Variants in TEKT5 observed in about 807,000 individuals in gnomAD.
The protein encoded by TEKT5 is tektin-5.
A neutral mutation model predicts 48.7 loss-of-function variants in TEKT5; 52 were observed. That is an observed-to-expected ratio of 1.07 (90% CI 0.86 to 1.35). The LOEUF is 1.35. Ranked by LOEUF, TEKT5 falls within the 40% of genes most tolerant of loss-of-function variation. The pLI, the probability that TEKT5 is intolerant of heterozygous loss-of-function variation, is 0.00. For synonymous variants in TEKT5, 318 were observed against 267.6 expected (o/e 1.19, Z -1.84); for missense variants, 831 against 641.6 (o/e 1.30, Z -3.19).
intron 4 of TEKT5, among the ~76,000 whole-genome samples, chr16:10,680,313 A>C (rs2541496): frequency 0.49 from 74,746 of 152,194 alleles, 20,165 homozygotes; most frequent in East Asian, 0.81. Flanking sequence ...GCCAAGGAGA[A>C]TGCCAAGGAA....
intron 3 of TEKT5, among the ~76,000 whole-genome samples, chr16:10,688,238 G>A (rs373478330): frequency 7.9e-5 from 12 of 152,198 alleles, no homozygotes; most frequent in East Asian, 1.9e-4. Flanking sequence ...CCTCCACCCC[G>A]ATGTCTTTCT....
chr16:10,629,356 T>C (rs145556266), intron 6 of TEKT5, among the ~76,000 whole-genome samples: 7,524 of 151,864 alleles, frequency 0.05, 595 homozygotes, highest in African/African-American at 0.17. Context: ...GTTCAAGCAA[T>C]TCTCTTGCCT....
chr16:10,648,092 T>A (rs1898098836), intron 5 of TEKT5, among the ~76,000 whole-genome samples: 1 of 152,192 alleles, frequency 6.6e-6, no homozygotes, highest in Admixed American at 6.5e-5. Context: ...GCCTTTGATG[T>A]ACAGCACATG....
intron 5 of TEKT5, among the ~76,000 whole-genome samples, chr16:10,661,619 A>C (rs2142287097): frequency 6.6e-6 from 1 of 152,324 alleles, no homozygotes; most frequent in Non-Finnish European, 1.5e-5. Context: ...TGCTAAAGAA[A>C]CGAGGTCACC....
intron 1 of TEKT5, among the ~76,000 whole-genome samples, chr16:10,693,343 C>T (rs967475014): frequency 1.3e-5 from 2 of 152,214 alleles, no homozygotes; most frequent in South Asian, 2.1e-4. Flanking sequence ...GATCCACCTG[C>T]CCTGGCCTCA....
At chr16:10,637,328 A>G (rs1596400889) in intron 5 of TEKT5, among the ~76,000 whole-genome samples, 1 of 143,792 alleles carries the variant, frequency 7.0e-6, no homozygotes, top group Non-Finnish European at 1.5e-5. Context: ...GAGCCACCAC[A>G]CCCAGCCCGC....
At chr16:10,671,927 C>A (rs1326752619) in intron 5 of TEKT5, 1 of 152,156 alleles carries the variant, frequency 6.6e-6, no homozygotes, top group Non-Finnish European at 1.5e-5. Flanking sequence ...CCCACTGACA[C>A]ATGTGGTTTA....
intron 5 of TEKT5, among the ~76,000 whole-genome samples, chr16:10,660,673 GTGTGTGT>G (rs1898352201): frequency 2.7e-5 from 2 of 75,156 alleles, no homozygotes; most frequent in South Asian, 7.8e-4. Context: ...GTGTGTGTGT[GTGTGTGT>G]GTGTGTGTGT....
intron 6 of TEKT5, among the ~76,000 whole-genome samples, chr16:10,635,429 G>A (rs570558439): frequency 2.0e-5 from 3 of 152,190 alleles, no homozygotes; most frequent in Non-Finnish European, 2.9e-5. Context: ...CACCACCTGG[G>A]AGGCGACCAT....
intron 3 of TEKT5, among the ~76,000 whole-genome samples, chr16:10,688,604 G>C (rs1567236889): frequency 1.3e-5 from 2 of 152,240 alleles, no homozygotes; most frequent in Non-Finnish European, 2.9e-5. Context: ...GTGAGTGCCA[G>C]CTGCAGGTGG....
At chr16:10,637,844 T>G (rs116666375) in intron 5 of TEKT5, among the ~76,000 whole-genome samples, 3,735 of 152,352 alleles carry the variant, frequency 0.025, 163 homozygotes, top group African/African-American at 0.085. Flanking sequence ...AGGGTCTTGC[T>G]CTGACACTCA....
chr16:10,647,201 G>A (rs977642142), intron 5 of TEKT5, among the ~76,000 whole-genome samples: 1 of 152,022 alleles, frequency 6.6e-6, no homozygotes, highest in Non-Finnish European at 1.5e-5. Context: ...TGGGCGCGGT[G>A]GCTGACAACT....
At chr16:10,671,706 T>A (rs1056053434) in intron 5 of TEKT5, 1 of 152,170 alleles carries the variant, frequency 6.6e-6, no homozygotes, top group Non-Finnish European at 1.5e-5. Context: ...TTTAATGGAC[T>A]CACAGTTCCA....
At chr16:10,632,087 TG>T (rs1249758647) in intron 6 of TEKT5, among the ~76,000 whole-genome samples, 1 of 152,134 alleles carries the variant, frequency 6.6e-6, no homozygotes, top group Non-Finnish European at 1.5e-5. Context: ...ATGGGAAGCC[TG>T]GGCTAGAGAG....
At chr16:10,662,616 A>G (rs1898392495) in intron 5 of TEKT5, among the ~76,000 whole-genome samples, 1 of 152,134 alleles carries the variant, frequency 6.6e-6, no homozygotes, top group South Asian at 2.1e-4. Context: ...CTTTCTTGCA[A>G]CGTATCCTTG....
chr16:10,644,567 C>T (rs528194922), intron 5 of TEKT5, among the ~76,000 whole-genome samples: 39 of 152,330 alleles, frequency 2.6e-4, no homozygotes, highest in Middle Eastern at 3.4e-3. Flanking sequence ...GCACCCCTCA[C>T]CTGGCTTCCC....
At chr16:10,677,415 G>C (rs943751271) in intron 4 of TEKT5, among the ~76,000 whole-genome samples, 1 of 147,050 alleles carries the variant, frequency 6.8e-6, no homozygotes, top group Non-Finnish European at 1.5e-5. Flanking sequence ...TTTGAGACCA[G>C]CCTGGCCAAC....
rs577868120 is a variant in TEKT5 at position 10,643,322 on chromosome 16, T to G, written c.1087-7404A>C. 2.0e-5 allele frequency among the ~76,000 whole-genome samples: 3 copies of G among 151,922 alleles called. No homozygotes were observed. In the East Asian group the frequency reaches 5.8e-4, roughly 29 times the overall value. The stretch of plus-strand genomic sequence containing the variant: ...TGAGCCTATGAGTTTGAGGCTCTAG[T>G]GAGCTGTGATGGCACCATTGCACTG... On this transcript the variant is annotated intron_variant, in intron 5 of 6. Transcript: ENST00000283025.
chr16:10,680,099 T>G (rs535159351), intron 4 of TEKT5, among the ~76,000 whole-genome samples: 12 of 152,260 alleles, frequency 7.9e-5, no homozygotes, highest in Non-Finnish European at 1.6e-4. Context: ...AGGAATCTGT[T>G]TGGGAAGAGA....
Sources: gnomAD v4.1 joint callset for allele counts (sites outside exome capture counted in the v4.1 genomes callset) on GRCh38, gnomAD v4.1.1 for gene constraint, MANE v1.5 for transcripts, NCBI Gene and HGNC (gene_info 2026-07-23, HGNC 2026-07-21) for gene names.